The following INPP5A variants were observed in gnomAD, a reference collection of about 807,000 sequenced individuals.
INPP5A encodes the protein inositol polyphosphate-5-phosphatase A, also known as 43 kDa inositol polyphosphate 5-phophatase.
A neutral mutation model predicts 65.2 loss-of-function variants in INPP5A; 14 were observed. That is an observed-to-expected ratio of 0.21 (90% CI 0.14 to 0.34). The LOEUF is 0.34. Among genes scored for constraint, INPP5A ranks in the 10% least tolerant of loss-of-function variants. INPP5A has a pLI of 1.00. For synonymous variants in INPP5A, 207 were observed against 208.3 expected, an observed-to-expected ratio of 0.99 and a Z score of 0.05; for missense variants, 431 against 545.6, an observed-to-expected ratio of 0.79 and a Z score of 2.09.
chr10:132,778,490 T>G (rs1253952262), intron 13 of INPP5A, among the ~76,000 whole-genome samples: 1 of 152,052 alleles, frequency 6.6e-6, no homozygotes, highest in Non-Finnish European at 1.5e-5. Flanking sequence ...TTCCCACATT[T>G]TAACATACAA....
intron 11 of INPP5A, among the ~76,000 whole-genome samples, chr10:132,757,783 C>T (rs917953383): frequency 2.2e-4 from 29 of 133,864 alleles, no homozygotes; most frequent in Non-Finnish European, 3.8e-4. Context: ...CTGGCTGACC[C>T]CACAGCCCAG....
chr10:132,705,087 G>T lies in INPP5A; in HGVS notation c.475-3226G>T, dbSNP rs533583175. On this transcript the variant is annotated intron_variant, in intron 6 of 15. Coordinates refer to ENST00000368594, the MANE Select transcript of INPP5A (RefSeq NM_005539.5). This position sits in a 1 kb window ranked among gnomAD's most constrained non-coding sequence, Gnocchi z 4.9. ...AGGGGAGAGAGTCCAAGCATTGGGGGTGTCCCAGCTGCACCGTTGGTGGGA... is the reference window on the plus strand; with the variant it reads ...AGGGGAGAGAGTCCAAGCATTGGGGTTGTCCCAGCTGCACCGTTGGTGGGA... Among the ~76,000 whole-genome samples the T allele has an allele frequency of 5.3e-5, 8 of 152,188 alleles. No homozygotes were observed. Among genetic ancestry groups the T allele is most frequent in the Admixed American group, 4.6e-4 (7 of 15,286 alleles).
chr10:132,642,012 C>G (rs559609152), intron 2 of INPP5A, among the ~76,000 whole-genome samples: 1 of 152,246 alleles, frequency 6.6e-6, no homozygotes, highest in Admixed American at 6.5e-5. Flanking sequence ...CATCACGGTT[C>G]AGGGCTCATG....
rs1467229179 is a variant in INPP5A at position 132,676,423 on chromosome 10, G to A, written c.307-13969G>A. ...CTTTCCACCTGTCTCCCTCCACTCC[G>A]GGTGAAAGAGGCATGGGGAATTTAC... On this transcript the variant is annotated intron_variant, in intron 4 of 15. Coordinates refer to ENST00000368594, the MANE Select transcript of INPP5A (RefSeq NM_005539.5). This position sits in a 1 kb window ranked among gnomAD's most constrained non-coding sequence, Gnocchi z 4.0. 2.6e-5 allele frequency among the ~76,000 whole-genome samples: 4 copies of A among 152,152 alleles called. No individual in the cohort carries two copies. Among genetic ancestry groups the A allele is most frequent in the Non-Finnish European group, 4.4e-5 (3 of 68,012 alleles).
intron 1 of INPP5A, among the ~76,000 whole-genome samples, chr10:132,559,142 G>A (rs1368023784): frequency 1.3e-5 from 2 of 152,222 alleles, no homozygotes; most frequent in Non-Finnish European, 2.9e-5. Context: ...ACACACAGAC[G>A]TGGTGGTGTG....
chr10:132,703,205 A>G (rs1845465115), intron 6 of INPP5A, among the ~76,000 whole-genome samples: 1 of 152,126 alleles, frequency 6.6e-6, no homozygotes, highest in Non-Finnish European at 1.5e-5. Context: ...GCGAGGACAG[A>G]TCCGGGCTCT....
At chr10:132,608,545 G>C (rs2071894145) in intron 2 of INPP5A, among the ~76,000 whole-genome samples, 4 of 152,260 alleles carry the variant, frequency 2.6e-5, no homozygotes. Context: ...TTCATGGAAG[G>C]AGCCACCTGG....
intron 6 of INPP5A, among the ~76,000 whole-genome samples, chr10:132,702,407 A>G (rs1845451324): frequency 6.6e-6 from 1 of 152,256 alleles, no homozygotes. Context: ...AGATGTACCC[A>G]CATGCACATA....
chr10:132,547,860 T>C lies in INPP5A; in HGVS notation c.75+9689T>C, dbSNP rs926325401. 6.6e-6 allele frequency among the ~76,000 whole-genome samples: 1 copy of C among 152,108 alleles called. No individual in the cohort carries two copies. Among genetic ancestry groups the C allele is most frequent in the Non-Finnish European group, 1.5e-5 (1 of 67,992 alleles). ...ACTGTGGCGTCACACTCAGGTGTGC[T>C]GGCCTTTGGCAGCAGCGTCTGGGGT... On this transcript the variant is annotated intron_variant, in intron 1 of 15. Coordinates refer to ENST00000368594, the MANE Select transcript of INPP5A (RefSeq NM_005539.5). This position sits in a 1 kb window ranked among gnomAD's most constrained non-coding sequence, Gnocchi z 5.5.
intron 1 of INPP5A, among the ~76,000 whole-genome samples, chr10:132,569,197 T>C (rs1218167271): frequency 6.6e-6 from 1 of 152,100 alleles, no homozygotes; most frequent in Non-Finnish European, 1.5e-5. Flanking sequence ...CAGCAGAGAG[T>C]GTTAAGTTCT....
intron 2 of INPP5A, among the ~76,000 whole-genome samples, chr10:132,622,908 G>T (rs868462228): frequency 6.8e-6 from 1 of 147,422 alleles, no homozygotes; most frequent in South Asian, 2.2e-4. Context: ...TCGTGGATTG[G>T]AAGACTCAGT....
Position 132,549,058 on chromosome 10 carries a change from G to C in INPP5A, c.75+10887G>C, listed in dbSNP as rs2071018161. 6.6e-6 allele frequency among the ~76,000 whole-genome samples: 1 copy of C among 152,178 alleles called. No homozygotes were observed. The highest frequency in any genetic ancestry group is 6.5e-5 in the Admixed American group (1 of 15,276). Reference sequence around the variant, plus strand: ...TCCTCCCACCTTGGCCTCCCAAGGTGCTGGGATGACAGGTGTGAGCCACTG... The same window carrying C: ...TCCTCCCACCTTGGCCTCCCAAGGTCCTGGGATGACAGGTGTGAGCCACTG... On this transcript the variant is annotated intron_variant, in intron 1 of 15. Coordinates refer to ENST00000368594, the MANE Select transcript of INPP5A (RefSeq NM_005539.5). The surrounding 1 kb of genome is among the most constrained non-coding windows in gnomAD (Gnocchi z 4.9).
At position 132,707,306 on chromosome 10, in the gene INPP5A, C is replaced by T. The variant is rs1232135847; in HGVS notation, c.475-1007C>T. Among the ~76,000 whole-genome samples the T allele has an allele frequency of 5.9e-5, 9 of 152,216 alleles. No individual in the cohort carries two copies. The highest frequency in any genetic ancestry group is 3.4e-3 in the Middle Eastern group (1 of 294). On this transcript the variant is annotated intron_variant, in intron 6 of 15. Coordinates refer to ENST00000368594, the MANE Select transcript of INPP5A (RefSeq NM_005539.5). The surrounding 1 kb of genome is among the most constrained non-coding windows in gnomAD (Gnocchi z 5.5). ...TGGCTGCTGCTGGGAACGGAATGGGCGGTGCCCTGCCCTGTTGGCTGCCGT... is the reference window on the plus strand; with the variant it reads ...TGGCTGCTGCTGGGAACGGAATGGGTGGTGCCCTGCCCTGTTGGCTGCCGT...
chr10:132,777,631 C>T (rs768661498), intron 12 of INPP5A, 40 bp from the exon 13 acceptor site: 5 of 1,590,246 alleles, frequency 3.1e-6, no homozygotes, highest in East Asian at 4.5e-5. Flanking sequence ...GAGGACGGCC[C>T]GAGCCGGCCG....
intron 1 of INPP5A, among the ~76,000 whole-genome samples, chr10:132,570,657 T>G (rs941039402): frequency 2.0e-5 from 3 of 152,054 alleles, no homozygotes; most frequent in African/African-American, 7.2e-5. Flanking sequence ...TGTTTCTAAG[T>G]ACCAAAACAC....
chr10:132,582,443 C>T (rs1460554941), intron 1 of INPP5A, among the ~76,000 whole-genome samples: 1 of 139,334 alleles, frequency 7.2e-6, no homozygotes, highest in Non-Finnish European at 1.5e-5. Context: ...TTTAAAGAGA[C>T]AGGGTCTTGC....
At chr10:132,666,497 A>G (rs2072804575) in intron 4 of INPP5A, among the ~76,000 whole-genome samples, 1 of 152,070 alleles carries the variant, frequency 6.6e-6, no homozygotes, top group South Asian at 2.1e-4. Flanking sequence ...TGGGTTTGAA[A>G]ACAGCCACAA....
intron 7 of INPP5A, among the ~76,000 whole-genome samples, chr10:132,710,133 A>G (rs1037759763): frequency 2.6e-5 from 4 of 152,372 alleles, no homozygotes; most frequent in African/African-American, 9.6e-5. Flanking sequence ...CTGCATTTGT[A>G]AAGACATATT....
At chr10:132,645,025 C>T (rs1229779333) in intron 2 of INPP5A, among the ~76,000 whole-genome samples, 2 of 152,190 alleles carry the variant, frequency 1.3e-5, no homozygotes, top group East Asian at 1.9e-4. Flanking sequence ...TCTGCCCGCG[C>T]GTCCTCTCAG....
Sources: gnomAD v4.1 joint callset for allele counts (sites outside exome capture counted in the v4.1 genomes callset) on GRCh38, gnomAD v4.1.1 for gene constraint, Gnocchi (gnomAD v3.1) non-coding constraint, MANE v1.5 for transcripts, NCBI Gene and HGNC (gene_info 2026-07-23, HGNC 2026-07-21) for gene names.